Variants in DNAJC10 observed in about 807,000 individuals in gnomAD.
The protein encoded by DNAJC10 is endoplasmic reticulum disulfide reductase DNAJC10.
Under a neutral mutation model 115.0 loss-of-function variants are expected in DNAJC10, and 101 were observed. The observed-to-expected ratio is 0.88, with a 90% CI of 0.75 to 1.04. DNAJC10 has a LOEUF of 1.04. DNAJC10 is among the 50% of genes least tolerant of loss of function. DNAJC10 has a pLI of 0.00. For synonymous variants in DNAJC10, 307 were observed against 301.5 expected (o/e 1.02, Z -0.19); for missense variants, 981 against 928.8 (o/e 1.06, Z -0.73).
rs1467951160 is a variant in DNAJC10 at position 182,787,011 on chromosome 2, G to A, written c.*9879G>A. On this transcript the variant is annotated 3_prime_UTR_variant, in exon 24 of 24. Transcript: ENST00000264065. Reference sequence around the variant, plus strand: ...GAGCCATCTGTAAACCAACAAACAAGGCCCTCACCAGGCACTCAATCTGCC... The same window carrying A: ...GAGCCATCTGTAAACCAACAAACAAAGCCCTCACCAGGCACTCAATCTGCC... 1 of 152,326 alleles carries A rather than the reference G, an allele frequency of 6.6e-6. No individual in the cohort carries two copies. Among genetic ancestry groups the A allele is most frequent in the Non-Finnish European group, 1.5e-5 (1 of 68,206 alleles). The allele number at this position is 152,326 out of a possible 1,614,324, so 9.4% of individuals were successfully genotyped here.
Position 182,779,284 on chromosome 2 carries a change from T to G in DNAJC10, c.*2152T>G, listed in dbSNP as rs1336356472. On this transcript the variant is annotated 3_prime_UTR_variant, in exon 24 of 24. Transcript: ENST00000264065. ...GCAGATTGAGCTTTTAATGGCTATA[T>G]TGATACAGTAGATAGAGCACCTCTA... The G allele has an allele frequency of 6.6e-6, 1 of 152,212 alleles. No individual in the cohort carries two copies. The highest frequency in any genetic ancestry group is 2.4e-5 in the African/African-American group (1 of 41,464). The allele number at this position is 152,212 out of a possible 1,614,324, so 9.4% of individuals were successfully genotyped here. A position where few individuals can be genotyped will look rare whatever the true frequency, so the allele number is the denominator to read the frequency against.
chr2:182,721,701 T>C (rs1054728614), intron 4 of DNAJC10, among the ~76,000 whole-genome samples: 7 of 152,108 alleles, frequency 4.6e-5, no homozygotes. Flanking sequence ...CAAGAGTCTA[T>C]ATTTTTGCAC....
intron 5 of DNAJC10, among the ~76,000 whole-genome samples, chr2:182,727,989 A>G (rs1453966553): frequency 2.0e-5 from 3 of 152,190 alleles, no homozygotes; most frequent in African/African-American, 7.2e-5. Context: ...AAAAACCTCA[A>G]CCTTTTCAAA....
At position 182,781,327 on chromosome 2, in the gene DNAJC10, G is replaced by C. The variant is rs1694840823; in HGVS notation, c.*4195G>C. On this transcript the variant is annotated 3_prime_UTR_variant, in exon 24 of 24. Transcript: ENST00000264065. ...TTTTTATGGCTGCATAGTATTCCAT[G>C]GTGTGTTTGTGCCCGTTTCTTTATC... 6.6e-6 allele frequency: 1 copy of C among 152,130 alleles called. No homozygotes were observed. The highest frequency in any genetic ancestry group is 6.5e-5 in the Admixed American group (1 of 15,276). 9.4% of individuals were successfully genotyped at this position (152,130 alleles called of 1,614,324 possible).
chr2:182,776,209 G>T (rs2105712100), intron 23 of DNAJC10, among the ~76,000 whole-genome samples: 1 of 151,882 alleles, frequency 6.6e-6, no homozygotes, highest in Non-Finnish European at 1.5e-5. Context: ...GCATTGAATT[G>T]TTAGGAATAA....
intron 11 of DNAJC10, among the ~76,000 whole-genome samples, chr2:182,737,550 A>T (rs1174199558): frequency 6.6e-6 from 1 of 151,822 alleles, no homozygotes; most frequent in Non-Finnish European, 1.5e-5. Context: ...TGTGACTCAA[A>T]CCTCTGTTCT....
intron 23 of DNAJC10, 45 bp downstream of exon 23, chr2:182,775,465 G>T: frequency 7.7e-7 from 1 of 1,306,404 alleles, no homozygotes; most frequent in African/African-American, 1.5e-5. Context: ...GTTGGCAAAA[G>T]TTAGCAAAAT....
rs1036784370 is a variant in DNAJC10 at position 182,783,061 on chromosome 2, T to G, written c.*5929T>G. ...GTGGTTTTGTCATAAATAGCTCTTA[T>G]TATTTTGAGATATGTTCCATCATAT... On this transcript the variant is annotated 3_prime_UTR_variant, in exon 24 of 24. Transcript: ENST00000264065. The G allele has an allele frequency of 2.0e-5, 3 of 152,198 alleles. No individual in the cohort carries two copies. Among genetic ancestry groups the G allele is most frequent in the Admixed American group, 6.6e-5 (1 of 15,260 alleles). The allele number at this position is 152,198 out of a possible 1,614,324, so 9.4% of individuals were successfully genotyped here.
chr2:182,753,690 C>T (rs565704087), intron 16 of DNAJC10, among the ~76,000 whole-genome samples: 1 of 146,046 alleles, frequency 6.8e-6, no homozygotes, highest in African/African-American at 2.5e-5. Flanking sequence ...TCATGCCATT[C>T]TCCTCCCTTA....
chr2:182,789,341 C>A lies in DNAJC10; in HGVS notation c.*12209C>A. ...GGTTCAAGCGATTCTCCTGCCTCAC[C>A]CTCCCAAGTAGCTGGGACTGCAGGC... On this transcript the variant is annotated 3_prime_UTR_variant, in exon 24 of 24. Transcript: ENST00000264065. 1 of 153,974 alleles carries A rather than the reference C, an allele frequency of 6.5e-6. No individual in the cohort carries two copies. The highest frequency in any genetic ancestry group is 1.4e-5 in the Non-Finnish European group (1 of 69,406). The allele number at this position is 153,974 out of a possible 1,614,324, so 9.5% of individuals were successfully genotyped here.
At chr2:182,751,986 A>G in intron 15 of DNAJC10, 86 bp from the exon 16 acceptor site, 1 of 1,250,880 alleles carries the variant, frequency 8.0e-7, no homozygotes. Flanking sequence ...AGTTTGTCTT[A>G]CTTAGCATAT....
At chr2:182,743,993 G>A (rs1309326305) in intron 14 of DNAJC10, among the ~76,000 whole-genome samples, 5 of 152,148 alleles carry the variant, frequency 3.3e-5, no homozygotes, top group Non-Finnish European at 5.9e-5. Flanking sequence ...GCAAAAGTAA[G>A]CAACACCTGC....
rs2105731058 is a variant in DNAJC10 at position 182,790,775 on chromosome 2, G to C, written c.*13643G>C. 1.5e-5 allele frequency: 2 copies of C among 136,498 alleles called. No homozygotes were observed. Among genetic ancestry groups the C allele is most frequent in the Admixed American group, 1.5e-4 (2 of 13,436 alleles). 8.5% of individuals were successfully genotyped at this position (136,498 alleles called of 1,614,324 possible). A position where few individuals can be genotyped will look rare whatever the true frequency, so the allele number is the denominator to read the frequency against. On this transcript the variant is annotated 3_prime_UTR_variant, in exon 24 of 24. Coordinates refer to ENST00000264065, the MANE Select transcript of DNAJC10 (RefSeq NM_018981.4). The stretch of plus-strand genomic sequence containing the variant: ...CTGTACTCCAGCCTGGGCAACAAGA[G>C]TGAAACTCTATCTCAAAAAAAAAAA...
chr2:182,716,654 C>A (rs1007165960), intron 1 of DNAJC10, among the ~76,000 whole-genome samples, 171 bp downstream of exon 1: 14 of 152,178 alleles, frequency 9.2e-5, no homozygotes, highest in African/African-American at 3.1e-4. Flanking sequence ...TTCACACCAC[C>A]CTTCCTCTGC....
intron 22 of DNAJC10, among the ~76,000 whole-genome samples, chr2:182,773,763 A>G (rs978986389): frequency 8.5e-5 from 13 of 152,260 alleles, no homozygotes; most frequent in African/African-American, 2.6e-4. Flanking sequence ...CTTCCTTGCA[A>G]TGGGTTCAAA....
At position 182,757,914 on chromosome 2, in the gene DNAJC10, A is replaced by G. The variant is rs288333; in HGVS notation, c.1943+89A>G. 0.081 allele frequency: 62,534 copies of G among 772,804 alleles called. 9,072 individuals carry two copies. The highest frequency in any genetic ancestry group is 0.53 in the African/African-American group (29,316 of 55,476). The allele number at this position is 772,804 out of a possible 1,614,324, so 47.9% of individuals were successfully genotyped here. A position where few individuals can be genotyped will look rare whatever the true frequency, so the allele number is the denominator to read the frequency against. ...AGTTACCTGAACAAAATAAAAGTTA[A>G]CCCAACAAATATTTATTGGGAGCCC... On this transcript the variant is annotated intron_variant, in intron 19 of 23. Coordinates refer to ENST00000264065, the MANE Select transcript of DNAJC10 (RefSeq NM_018981.4).
chr2:182,770,381 A>G (rs1694529548), intron 22 of DNAJC10, among the ~76,000 whole-genome samples: 1 of 152,196 alleles, frequency 6.6e-6, no homozygotes. Context: ...TGGGGATGGA[A>G]TTGAATCTAT....
intron 19 of DNAJC10, among the ~76,000 whole-genome samples, 182 bp downstream of exon 19, chr2:182,758,007 G>C (rs1260935675): frequency 6.6e-6 from 1 of 152,136 alleles, no homozygotes; most frequent in African/African-American, 2.4e-5. Flanking sequence ...CAGTCTCACT[G>C]TGCATAAAGC....
Position 182,739,848 on chromosome 2 carries a change from G to A in DNAJC10, c.988-451G>A, listed in dbSNP as rs889199264. ...TCTTAATTATTGGTTGGGGAATGAAGTGTCTTTGATAGTCTATTATTCTTC... is the reference window on the plus strand; with the variant it reads ...TCTTAATTATTGGTTGGGGAATGAAATGTCTTTGATAGTCTATTATTCTTC... On this transcript the variant is annotated intron_variant, in intron 11 of 23. Transcript: ENST00000264065. The A allele has an allele frequency of 4.0e-6, 4 of 991,586 alleles. No homozygotes were observed. In the African/African-American group the frequency reaches 7.0e-5, roughly 17 times the overall value. The allele number at this position is 991,586 out of a possible 1,614,324, so 61.4% of individuals were successfully genotyped here.
Sources: allele counts gnomAD v4.1 joint callset (sites outside exome capture counted in the v4.1 genomes callset), GRCh38; gene constraint gnomAD v4.1.1; transcripts MANE v1.5; gene names NCBI Gene and HGNC (gene_info 2026-07-23, HGNC 2026-07-21).